The following ASXL2 variants were observed in gnomAD, a reference collection of about 807,000 sequenced individuals.
The protein encoded by ASXL2 is ASXL transcriptional regulator 2.
Under a neutral mutation model 122.0 loss-of-function variants are expected in ASXL2, and 23 were observed. The observed-to-expected ratio is 0.19, with a 90% CI of 0.14 to 0.27. The LOEUF (loss-of-function observed/expected upper bound fraction) is 0.27, where lower values mean the gene tolerates loss of function less well. Ranked by LOEUF, ASXL2 falls within the 10% of genes least tolerant of loss-of-function variation. The probability of loss-of-function intolerance (pLI) is 1.00; values close to 1 mark genes in which losing one functional copy is unlikely to be tolerated. For missense variants in ASXL2, 1,518 were observed against 1,713.8 expected, an observed-to-expected ratio of 0.89 and a Z score of 2.02; for synonymous variants, 650 against 637.0, an observed-to-expected ratio of 1.02 and a Z score of -0.31.
intron 8 of ASXL2, 39 bp from the exon 9 acceptor site, chr2:25,759,684 A>G: frequency 6.3e-7 from 1 of 1,585,550 alleles, no homozygotes; most frequent in Non-Finnish European, 8.6e-7. Flanking sequence ...CCTCCCTCAC[A>G]AGTCCTGTTT....
intron 1 of ASXL2, among the ~76,000 whole-genome samples, chr2:25,852,344 G>A (rs11894773): frequency 0.72 from 109,518 of 152,066 alleles, 41,057 homozygotes; most frequent in Non-Finnish European, 0.83. Flanking sequence ...TCTAACACTC[G>A]AGAATAACTG....
At chr2:25,782,711 A>T (rs1393814262) in intron 5 of ASXL2, among the ~76,000 whole-genome samples, 1 of 152,210 alleles carries the variant, frequency 6.6e-6, no homozygotes, top group African/African-American at 2.4e-5. Context: ...GAAATCCACC[A>T]ATTCTCAATT....
chr2:25,755,897 A>G (rs1574398694), intron 10 of ASXL2, 121 bp downstream of exon 10: 1 of 831,428 alleles, frequency 1.2e-6, no homozygotes, highest in East Asian at 2.6e-5. Context: ...CATGATGGTT[A>G]ATTCTATCCT....
At position 25,791,202 on chromosome 2, in the gene ASXL2, T is replaced by G. The variant is rs2088827613; in HGVS notation, c.403+8183A>C. On this transcript the variant is annotated intron_variant, in intron 5 of 12. Coordinates refer to ENST00000435504, the MANE Select transcript of ASXL2 (RefSeq NM_018263.6). The stretch of plus-strand genomic sequence containing the variant: ...ATACCTTAATTTTCCTAAGAAACTT[T>G]GTGAGGCCGGGCGTGGAGGCCTACA... Among the ~76,000 whole-genome samples the G allele has an allele frequency of 2.6e-5, 4 of 152,126 alleles. No homozygotes were observed. In the South Asian group the frequency reaches 8.3e-4, roughly 32 times the overall value.
chr2:25,782,294 C>G (rs983966350), intron 5 of ASXL2, among the ~76,000 whole-genome samples: 1 of 152,046 alleles, frequency 6.6e-6, no homozygotes, highest in African/African-American at 2.4e-5. Flanking sequence ...CCTGTAATCC[C>G]AGCACTTTGG....
rs1003307427 is a variant in ASXL2 at position 25,839,331 on chromosome 2, A to C, written c.141-3791T>G. 1.9e-4 allele frequency among the ~76,000 whole-genome samples: 29 copies of C among 152,162 alleles called. 1 individual carries two copies. Among genetic ancestry groups the C allele is most frequent in the Non-Finnish European group, 1.5e-5 (1 of 67,992 alleles). ...TTTTATGAAATAACTGTTTATTGGT[A>C]AACAGTATGGGAATTAACTCTTCTC... On this transcript the variant is annotated intron_variant, in intron 2 of 12. Transcript: ENST00000435504.
intron 12 of ASXL2, among the ~76,000 whole-genome samples, chr2:25,747,313 CAT>C (rs1282831355): frequency 6.6e-6 from 1 of 152,088 alleles, no homozygotes; most frequent in African/African-American, 2.4e-5. Flanking sequence ...ATTTATACTA[CAT>C]TGTGAATTTT....
chr2:25,871,520 G>A (rs1425663461), intron 1 of ASXL2, among the ~76,000 whole-genome samples: 3 of 139,598 alleles, frequency 2.1e-5, no homozygotes, highest in Non-Finnish European at 4.7e-5. Context: ...CAACAAACTA[G>A]GAGGCTTGTG....
At chr2:25,768,958 T>G (rs921831224) in intron 6 of ASXL2, 90 bp from the exon 7 acceptor site, 2 of 1,385,822 alleles carry the variant, frequency 1.4e-6, no homozygotes, top group African/African-American at 2.9e-5. Flanking sequence ...GCAAGAAGCA[T>G]GCTGATCGTT....
chr2:25,756,454 A>AAAAAAAAAAAG (rs1193317638), intron 9 of ASXL2, among the ~76,000 whole-genome samples: 3 of 132,436 alleles, frequency 2.3e-5, no homozygotes, highest in Admixed American at 7.5e-5. Flanking sequence ...AGATAATGAC[A>AAAAAAAAAAAG]AAAAAAAAAA....
At position 25,749,799 on chromosome 2, in the gene ASXL2, C is replaced by A; in HGVS notation, c.1757G>T (p.Arg586Leu). ...CTGGTGCTGGCGATTCTCAGTGACA[C>A]GTGGCCTCTTCTCCCAGCTCACAGG... Reference protein sequence around the residue: ...EAPVSWEKRPRVTENRQHQQP... With the variant: ...EAPVSWEKRPLVTENRQHQQP... Residue 586 changes from arginine (R) to leucine (L), a missense_variant, in exon 12 of 13, where the codon CGT becomes CTT. By Grantham distance (102) the Arg-to-Leu change is moderately radical. Around this residue, in one of 8 missense-constraint regions of ASXL2, gnomAD observed 292 missense variants for 293.5 expected, o/e 1.00. Transcript: ENST00000435504. 6.2e-7 allele frequency: 1 copy of A among 1,609,144 alleles called. No homozygotes were observed. Among genetic ancestry groups the A allele is most frequent in the Non-Finnish European group, 8.5e-7 (1 of 1,178,540 alleles).
At chr2:25,867,079 T>C (rs1296161821) in intron 1 of ASXL2, among the ~76,000 whole-genome samples, 1 of 152,114 alleles carries the variant, frequency 6.6e-6, no homozygotes, top group African/African-American at 2.4e-5. Flanking sequence ...TTTGTATTTT[T>C]AGTAGAGACG....
At chr2:25,797,315 G>A (rs564875899) in intron 5 of ASXL2, among the ~76,000 whole-genome samples, 1 of 151,810 alleles carries the variant, frequency 6.6e-6, no homozygotes, top group African/African-American at 2.4e-5. Flanking sequence ...TGTGGTGGCG[G>A]GCGCCTGTAA....
chr2:25,839,903 C>CT lies in ASXL2; in HGVS notation c.141-4364dup, dbSNP rs34078690. On this transcript the variant is annotated intron_variant, in intron 2 of 12. Coordinates refer to ENST00000435504, the MANE Select transcript of ASXL2 (RefSeq NM_018263.6). ...ACCATGTTTTCTTTTTTTTTTTTTT[C>CT]TTTTTTTTGTAAAGACAAGGTCTCG... Among the ~76,000 whole-genome samples the CT allele has an allele frequency of 7.4e-4, 75 of 100,866 alleles. 1 individual carries two copies. The East Asian group carries it at 0.018, about 25-fold the overall frequency. 66.2% of individuals were successfully genotyped at this position (100,866 alleles called of 152,430 possible).
intron 5 of ASXL2, among the ~76,000 whole-genome samples, chr2:25,777,367 A>G (rs1041693121): frequency 5.3e-5 from 8 of 152,148 alleles, no homozygotes; most frequent in Non-Finnish European, 1.2e-4. Flanking sequence ...CAGGCCTGGC[A>G]CATGGCTCAC....
At chr2:25,759,872 A>T (rs2088210769) in intron 8 of ASXL2, among the ~76,000 whole-genome samples, 1 of 152,186 alleles carries the variant, frequency 6.6e-6, no homozygotes, top group African/African-American at 2.4e-5. Context: ...TCTCTGCATA[A>T]ATAGAATAAA....
chr2:25,863,828 A>T (rs1344719733), intron 1 of ASXL2, among the ~76,000 whole-genome samples: 5 of 151,840 alleles, frequency 3.3e-5, no homozygotes, highest in Non-Finnish European at 7.4e-5. Context: ...CAACATGGTG[A>T]AACTCCATCT....
At chr2:25,769,506 T>G (rs551881773) in intron 6 of ASXL2, among the ~76,000 whole-genome samples, 2 of 152,270 alleles carry the variant, frequency 1.3e-5, no homozygotes, top group African/African-American at 4.8e-5. Flanking sequence ...AACAGTGTGG[T>G]TCCTTCTGTC....
chr2:25,750,060 T>C lies in ASXL2; in HGVS notation c.1496A>G (p.Gln499Arg). ...LEQKPVTSAE[Q>R]ESEKNHLTTA... ...GGTGAGATGGTTCTTCTCAGATTCCTGTTCAGCAGAGGTGACTGGCTTCTG... is the reference window on the plus strand; with the variant it reads ...GGTGAGATGGTTCTTCTCAGATTCCCGTTCAGCAGAGGTGACTGGCTTCTG... Residue 499 changes from glutamine to arginine, a missense_variant, in exon 12 of 13, where the codon CAG (glutamine) becomes CGG (arginine). Around this residue, in one of 8 missense-constraint regions of ASXL2, gnomAD observed 292 missense variants for 293.5 expected, o/e 1.00. Coordinates refer to ENST00000435504, the MANE Select transcript of ASXL2 (RefSeq NM_018263.6). 2 of 1,614,036 alleles carry C rather than the reference T, an allele frequency of 1.2e-6. No individual in the cohort carries two copies. The highest frequency in any genetic ancestry group is 2.2e-5 in the South Asian group (2 of 91,080).
Sources: gnomAD v4.1 joint callset for allele counts (sites outside exome capture counted in the v4.1 genomes callset) on GRCh38, gnomAD v4.1.1 for gene constraint, gnomAD v4.1.1 regional missense constraint, MANE v1.5 for transcripts, NCBI Gene and HGNC (gene_info 2026-07-23, HGNC 2026-07-21) for gene names.